Variants in LINC00632 observed in about 807,000 individuals in gnomAD.
LINC00632 encodes the protein ALDOA related specific transcript.
intron 2 of LINC00632, among the ~76,000 whole-genome samples, chrX:140,721,535 G>A (rs776985778): frequency 1.2e-4 from 13 of 111,154 alleles, no homozygotes; most frequent in Non-Finnish European, 3.8e-5. Context: ...AGAATCTAAT[G>A]CTGTAGCTGA....
intron 3 of LINC00632, among the ~76,000 whole-genome samples, chrX:140,745,928 C>T (rs919473958): frequency 6.3e-5 from 7 of 111,813 alleles, no homozygotes; most frequent in Admixed American, 1.9e-4. Flanking sequence ...CAGGAGTGAA[C>T]TTGAAACTGC....
At chrX:140,768,747 ATATT>A (rs1931742083) in intron 3 of LINC00632, among the ~76,000 whole-genome samples, 1 of 99,762 alleles carries the variant, frequency 1.0e-5, no homozygotes, top group Non-Finnish European at 2.0e-5. Flanking sequence ...AATATATAAC[ATATT>A]TATCATATAT....
At chrX:140,782,225 CTT>C (rs769264713) in exon 5 of LINC00632, among the ~76,000 whole-genome samples, 8 of 112,070 alleles carry the variant, frequency 7.1e-5, no homozygotes, top group Admixed American at 2.8e-4. Context: ...ATACACAACT[CTT>C]TGAATATTGC....
At position 140,742,711 on chromosome X, in the gene LINC00632, C is replaced by T. The variant is rs540891269; in HGVS notation, n.191+8747C>T. Among the ~76,000 whole-genome samples, 4 of 109,616 alleles carry T rather than the reference C, an allele frequency of 3.6e-5. No homozygotes were observed. The East Asian group carries it at 8.6e-4, about 24-fold the overall frequency. On this transcript the variant is annotated intron_variant and non_coding_transcript_variant, in intron 3 of 4. Coordinates refer to ENST00000648200, the Ensembl canonical transcript of LINC00632. ...TCATATTCATGTAGGCAGAAAATTC[C>T]GGCACGACAACAAGGTATCCCTCTA...
intron 3 of LINC00632, among the ~76,000 whole-genome samples, chrX:140,763,481 T>A (rs1171710265): frequency 1.8e-5 from 2 of 110,701 alleles, no homozygotes; most frequent in African/African-American, 6.6e-5. Flanking sequence ...CAGTTAAATG[T>A]GAATTTCAGT....
chrX:140,787,206 A>G (rs749735879), exon 5 of LINC00632, among the ~76,000 whole-genome samples: 46 of 111,508 alleles, frequency 4.1e-4, no homozygotes, highest in Admixed American at 1.1e-3. Flanking sequence ...AAATAATTTC[A>G]GTATCTAGAG....
chrX:140,740,941 G>A (rs1188163206), intron 3 of LINC00632, among the ~76,000 whole-genome samples: 5 of 111,910 alleles, frequency 4.5e-5, no homozygotes, highest in Non-Finnish European at 7.5e-5. Flanking sequence ...GGATTCATAA[G>A]CTATTATTGC....
At chrX:140,723,461 C>T (rs1602734465) in intron 2 of LINC00632, among the ~76,000 whole-genome samples, 1 of 65,340 alleles carries the variant, frequency 1.5e-5, no homozygotes, top group Non-Finnish European at 3.3e-5. Context: ...TCCACACACA[C>T]ACATTCCATA....
chrX:140,769,918 AT>A (rs1290847770), intron 3 of LINC00632, among the ~76,000 whole-genome samples: 4 of 111,882 alleles, frequency 3.6e-5, no homozygotes, highest in African/African-American at 9.8e-5. Context: ...CATTTATGCT[AT>A]AAAATGAGGA....
At chrX:140,784,304 C>A (rs1931983898) in exon 5 of LINC00632, 1 of 1,192,509 alleles carries the variant, frequency 8.4e-7, no homozygotes, top group Non-Finnish European at 1.1e-6. Flanking sequence ...CGTCTTCCAA[C>A]AAAGGTATGT....
chrX:140,767,885 A>G (rs947323766), intron 3 of LINC00632, among the ~76,000 whole-genome samples: 1 of 112,047 alleles, frequency 8.9e-6, no homozygotes, highest in East Asian at 2.8e-4. Context: ...ATCCATTCCC[A>G]TGAAATGCCA....
intron 2 of LINC00632, chrX:140,714,848 A>C (rs1602730724): frequency 9.3e-6 from 1 of 106,980 alleles, no homozygotes; most frequent in Non-Finnish European, 1.9e-5. Flanking sequence ...ATAAAAAAAA[A>C]AACAACCCAG....
At position 140,742,951 on chromosome X, in the gene LINC00632, G is replaced by A. The variant is rs143592901; in HGVS notation, n.191+8987G>A. ...AAAAGAAAAGAAAGTGGCCAGGCGC[G>A]TATTGGCTCACACCTGTAATCCCGG... On this transcript the variant is annotated intron_variant and non_coding_transcript_variant, in intron 3 of 4. Coordinates refer to ENST00000648200, the Ensembl canonical transcript of LINC00632. Among the ~76,000 whole-genome samples the A allele has an allele frequency of 1.5e-3, 165 of 108,077 alleles. No individual in the cohort carries two copies. The East Asian group carries it at 0.026, about 17-fold the overall frequency. The allele number at this position is 108,077 out of a possible 115,157, so 93.9% of individuals were successfully genotyped here.
Position 140,732,503 on chromosome X carries a change from TAC to T in LINC00632, n.105-1368_105-1367del, listed in dbSNP as rs749295301. Among the ~76,000 whole-genome samples the T allele has an allele frequency of 2.7e-5, 3 of 111,814 alleles. No individual in the cohort carries two copies. The South Asian group carries it at 1.1e-3, about 42-fold the overall frequency. On this transcript the variant is annotated intron_variant and non_coding_transcript_variant, in intron 2 of 4. Transcript: ENST00000648200. ...AGACTTGCACCCTCACGTGTCAACATACACACACGTTGGCATGCACATATCCA... is the reference window on the plus strand; with the variant it reads ...AGACTTGCACCCTCACGTGTCAACATACACACGTTGGCATGCACATATCCA...
At chrX:140,717,779 G>A (rs189201053) in intron 2 of LINC00632, among the ~76,000 whole-genome samples, 2 of 111,676 alleles carry the variant, frequency 1.8e-5, no homozygotes, top group East Asian at 5.6e-4. Context: ...CTGTGCCCCA[G>A]TTTTCTCAGC....
intron 3 of LINC00632, among the ~76,000 whole-genome samples, chrX:140,754,780 C>T (rs1460345773): frequency 1.8e-5 from 2 of 109,690 alleles, no homozygotes; most frequent in Non-Finnish European, 3.8e-5. Flanking sequence ...AGAAATTGGA[C>T]GGACCTCTAA....
At chrX:140,741,372 A>G (rs1306730652) in intron 3 of LINC00632, among the ~76,000 whole-genome samples, 2 of 112,195 alleles carry the variant, frequency 1.8e-5, no homozygotes, top group African/African-American at 6.5e-5. Context: ...TCATGCCTTT[A>G]AAATTTCAAG....
intron 3 of LINC00632, among the ~76,000 whole-genome samples, chrX:140,769,108 A>G (rs1045591144): frequency 9.0e-6 from 1 of 111,108 alleles, no homozygotes; most frequent in Non-Finnish European, 1.9e-5. Flanking sequence ...GTGCCCACAA[A>G]TGCAGGAAGC....
At chrX:140,769,607 TC>T (rs1326709644) in intron 3 of LINC00632, among the ~76,000 whole-genome samples, 2 of 111,193 alleles carry the variant, frequency 1.8e-5, no homozygotes, top group African/African-American at 6.6e-5. Context: ...TTCGTTAATA[TC>T]AAGACAGCTA....
Sources: allele counts gnomAD v4.1 joint callset (sites outside exome capture counted in the v4.1 genomes callset), GRCh38; gene constraint gnomAD v4.1.1; transcripts MANE v1.5; gene names NCBI Gene and HGNC (gene_info 2026-07-23, HGNC 2026-07-21).